Variants in RAB37 observed in about 807,000 individuals in gnomAD.
RAB37 encodes ras-related protein Rab-37.
Under a neutral mutation model 33.1 loss-of-function variants are expected in RAB37, and 29 were observed. That is an observed-to-expected ratio of 0.88 (90% confidence interval 0.65 to 1.20). The LOEUF (loss-of-function observed/expected upper bound fraction) is 1.20, where lower values mean the gene tolerates loss of function less well. RAB37 is among the 50% of genes most tolerant of loss of function. RAB37 has a pLI of 0.00. For missense variants in RAB37, 299 were observed against 301.1 expected (o/e 0.99, Z 0.05); for synonymous variants, 128 against 119.5 (o/e 1.07, Z -0.47).
chr17:74,695,586 T>C, intron 1 of RAB37: 1 of 1,259,008 alleles, frequency 7.9e-7, no homozygotes, highest in Non-Finnish European at 1.1e-6. Flanking sequence ...AGGCGAGTCC[T>C]GCAGTGACTA....
At chr17:74,737,184 G>A, upstream of RAB37, 1 of 1,536,998 alleles carries the variant, frequency 6.5e-7, no homozygotes, top group Admixed American at 2.0e-5. Context: ...CCGGTCGAGG[G>A]AGGGGAGGAG....
chr17:74,681,292 G>A (rs1184377077), intron 1 of RAB37, among the ~76,000 whole-genome samples: 2 of 152,152 alleles, frequency 1.3e-5, no homozygotes, highest in Admixed American at 6.5e-5. Flanking sequence ...GCTGATTGAC[G>A]GATCTGAGGG....
At chr17:74,722,435 C>T (rs1260939028) in intron 1 of RAB37, among the ~76,000 whole-genome samples, 1 of 152,230 alleles carries the variant, frequency 6.6e-6, no homozygotes, top group East Asian at 1.9e-4. Flanking sequence ...AGAATTTCTG[C>T]TTCCTCAGGG....
At chr17:74,737,393 C>G (rs1490519001) in intron 1 of RAB37, 28 bp downstream of exon 1, 2 of 1,534,276 alleles carry the variant, frequency 1.3e-6, no homozygotes, top group African/African-American at 1.4e-5. Context: ...GTGAGACCCC[C>G]GCCCTCCTCG....
chr17:74,722,835 C>A (rs973334485), intron 1 of RAB37, among the ~76,000 whole-genome samples: 2 of 152,166 alleles, frequency 1.3e-5, no homozygotes, highest in Admixed American at 6.5e-5. Flanking sequence ...GCAAATCTAT[C>A]GATCTTTTCT....
intron 1 of RAB37, among the ~76,000 whole-genome samples, chr17:74,715,547 G>A (rs182974784): frequency 6.6e-6 from 1 of 152,334 alleles, no homozygotes; most frequent in Non-Finnish European, 1.5e-5. Context: ...AAAGGACCAG[G>A]AATGGGGGCT....
intron 1 of RAB37, among the ~76,000 whole-genome samples, chr17:74,684,655 T>C (rs967777019): frequency 1.3e-5 from 2 of 151,922 alleles, no homozygotes; most frequent in African/African-American, 2.4e-5. Context: ...TCGCGCATGG[T>C]GGCGGGTCCC....
chr17:74,744,159 C>G lies in RAB37; in HGVS notation c.367-149C>G. The G allele has an allele frequency of 1.4e-6, 1 of 718,202 alleles. No individual in the cohort carries two copies. The highest frequency in any genetic ancestry group is 2.3e-6 in the Non-Finnish European group (1 of 443,938). 44.5% of individuals were successfully genotyped at this position (718,202 alleles called of 1,614,324 possible). A position where few individuals can be genotyped will look rare whatever the true frequency, so the allele number is the denominator to read the frequency against. On this transcript the variant is annotated intron_variant, in intron 5 of 8. Transcript: ENST00000392613. The surrounding 1 kb of genome is among the most constrained non-coding windows in gnomAD (Gnocchi z 4.2). ...AGCCACCAAGGAAGGCCATCCAGGC[C>G]TGGATGGGCCAGAACAAAGGTACAG...
At chr17:74,679,619 A>G (rs766022397) in intron 1 of RAB37, among the ~76,000 whole-genome samples, 5 of 152,196 alleles carry the variant, frequency 3.3e-5, no homozygotes, top group Non-Finnish European at 7.3e-5. Flanking sequence ...TTTATACTTA[A>G]CATATGCTTT....
intron 1 of RAB37, among the ~76,000 whole-genome samples, chr17:74,701,461 A>T (rs934216932): frequency 3.3e-5 from 5 of 152,260 alleles, no homozygotes; most frequent in Non-Finnish European, 5.9e-5. Context: ...GATTCATAAA[A>T]TAATAAATAA....
Position 74,744,706 on chromosome 17 carries a change from G to C in RAB37, c.433-167G>C, listed in dbSNP as rs2064353030. 1.3e-6 allele frequency: 1 copy of C among 768,170 alleles called. No individual in the cohort carries two copies. The highest frequency in any genetic ancestry group is 2.2e-6 in the Non-Finnish European group (1 of 455,162). The allele number at this position is 768,170 out of a possible 1,614,324, so 47.6% of individuals were successfully genotyped here. On this transcript the variant is annotated intron_variant, in intron 6 of 8. Transcript: ENST00000392613. This position sits in a 1 kb window ranked among gnomAD's most constrained non-coding sequence, Gnocchi z 4.2. The stretch of plus-strand genomic sequence containing the variant: ...ACCCTTTACCAAAGGTGAGATCCCA[G>C]AGCTGGGAGCTACACTGGGCAGAAA...
chr17:74,705,305 T>C (rs2033418754), intron 1 of RAB37: 1 of 690,902 alleles, frequency 1.4e-6, no homozygotes, highest in Non-Finnish European at 2.7e-6. Flanking sequence ...TTTCTAGTGG[T>C]TCTGGAATAA....
rs138129881 is a variant in RAB37, at chr17:74,730,089, G to A, written c.183+723G>A. ...CCTTTACCACACATCCCATCTCCCC[G>A]CGTTGTCCCGTGCCTGCGGCTGCAG... is the stretch of plus-strand genomic sequence containing the variant. On this transcript the variant is annotated intron_variant, in intron 2 of 7. Transcript: ENST00000340415. The surrounding 1 kb of genome is among the most constrained non-coding windows in gnomAD (Gnocchi z 4.4). Among the ~76,000 whole-genome samples the A allele has an allele frequency of 1.4e-3, 216 of 152,236 alleles. No homozygotes were observed. Among genetic ancestry groups the A allele is most frequent in the African/African-American group, 4.7e-3 (194 of 41,538 alleles).
upstream of RAB37, among the ~76,000 whole-genome samples, chr17:74,735,936 TG>T (rs1337756571): frequency 1.3e-5 from 2 of 152,202 alleles, no homozygotes; most frequent in Admixed American, 1.3e-4. Flanking sequence ...CCGGGCGCAG[TG>T]GCTCACGCCT....
intron 1 of RAB37, among the ~76,000 whole-genome samples, chr17:74,723,757 A>G (rs748328052): frequency 9.2e-5 from 14 of 151,852 alleles, no homozygotes; most frequent in Non-Finnish European, 1.9e-4. Flanking sequence ...TTGTATTTTT[A>G]GTAGAGACGG....
At chr17:74,684,258 CCT>C (rs1004628631) in intron 1 of RAB37, among the ~76,000 whole-genome samples, 50 of 151,506 alleles carry the variant, frequency 3.3e-4, no homozygotes, top group African/African-American at 1.1e-3. Context: ...GCCATGAAGC[CCT>C]GTTAATTTTT....
At chr17:74,728,947 TTC>T (rs2034348398) in intron 1 of RAB37, among the ~76,000 whole-genome samples, 1 of 152,038 alleles carries the variant, frequency 6.6e-6, no homozygotes, top group Non-Finnish European at 1.5e-5. Context: ...GTCGTGTGTG[TTC>T]TGTGTGTATG....
intron 5 of RAB37, among the ~76,000 whole-genome samples, chr17:74,743,890 G>A (rs958747673): frequency 2.0e-5 from 3 of 152,142 alleles, no homozygotes; most frequent in Non-Finnish European, 4.4e-5. Flanking sequence ...TATAGAAAGA[G>A]GAAAATCCAT....
chr17:74,733,965 C>G (rs2034429553), upstream of RAB37, among the ~76,000 whole-genome samples: 1 of 152,166 alleles, frequency 6.6e-6, no homozygotes, highest in Non-Finnish European at 1.5e-5. Context: ...ATTCCTCCAT[C>G]CAGACTAGTG....
Sources: gnomAD v4.1 joint callset for allele counts (sites outside exome capture counted in the v4.1 genomes callset) on GRCh38, gnomAD v4.1.1 for gene constraint, Gnocchi (gnomAD v3.1) non-coding constraint, MANE v1.5 for transcripts, NCBI Gene and HGNC (gene_info 2026-07-23, HGNC 2026-07-21) for gene names.